Variants in RNF150 observed in about 807,000 individuals in gnomAD.
RNF150 encodes the protein ring finger protein 150.
Under a neutral mutation model 39.3 loss-of-function variants are expected in RNF150, and 24 were observed. The ratio of observed to expected loss-of-function variants is 0.61; its 90% CI spans 0.44 to 0.86. The LOEUF (loss-of-function observed/expected upper bound fraction) is 0.86. RNF150 is among the 40% of genes least tolerant of loss of function. RNF150 has a pLI of 0.00. For synonymous variants in RNF150, 255 were observed against 227.3 expected (o/e 1.12, Z -1.10); for missense variants, 502 against 587.8 (o/e 0.85, Z 1.51).
intron 1 of RNF150, among the ~76,000 whole-genome samples, chr4:141,080,496 G>T (rs1453192237): frequency 6.6e-6 from 1 of 152,104 alleles, no homozygotes; most frequent in Non-Finnish European, 1.5e-5. Context: ...CTTAAAACAT[G>T]TCTTCTAATT....
chr4:140,870,466 G>A (rs1046074716), intron 6 of RNF150, among the ~76,000 whole-genome samples: 2 of 82,670 alleles, frequency 2.4e-5, no homozygotes, highest in Admixed American at 1.0e-4. Context: ...ATGTGTGTGT[G>A]TGTGTGTGTG....
intron 1 of RNF150, among the ~76,000 whole-genome samples, chr4:140,972,436 A>C (rs1249467415): frequency 6.6e-6 from 1 of 152,212 alleles, no homozygotes; most frequent in Non-Finnish European, 1.5e-5. Flanking sequence ...TTAATATTAG[A>C]AAATATATTA....
chr4:141,005,558 T>A (rs1734832648), intron 1 of RNF150, among the ~76,000 whole-genome samples: 1 of 152,184 alleles, frequency 6.6e-6, no homozygotes, highest in Admixed American at 6.5e-5. Flanking sequence ...GTAGGATAAG[T>A]AAGCTTCCTT....
At chr4:141,021,534 C>T (rs1735492317) in intron 1 of RNF150, among the ~76,000 whole-genome samples, 1 of 152,148 alleles carries the variant, frequency 6.6e-6, no homozygotes, top group Non-Finnish European at 1.5e-5. Context: ...TGCCCCTCCA[C>T]TTAGCTGTTT....
rs199842758 is a variant in RNF150, at chr4:141,121,763, T to TA, written c.484+10561dup. ...CGATCCTTATAGTTCTCGGGAAATT[T>TA]AAAAAAAATTAAAATTTTATTCACG... is the stretch of plus-strand genomic sequence containing the variant. On this transcript the variant is annotated intron_variant, in intron 1 of 6. Coordinates refer to ENST00000515673, the MANE Select transcript of RNF150 (RefSeq NM_020724.2). 4.9e-3 allele frequency among the ~76,000 whole-genome samples: 742 copies of TA among 152,152 alleles called. 9 individuals carry two copies. The highest frequency in any genetic ancestry group is 0.017 in the African/African-American group (701 of 41,496).
intron 1 of RNF150, among the ~76,000 whole-genome samples, chr4:141,090,775 G>A (rs1427669667): frequency 6.6e-6 from 1 of 152,120 alleles, no homozygotes; most frequent in Non-Finnish European, 1.5e-5. Context: ...GGTGATTGTT[G>A]CTTTTCAGGA....
intron 1 of RNF150, among the ~76,000 whole-genome samples, chr4:141,117,952 T>A (rs867740268): frequency 1.4e-4 from 22 of 152,160 alleles, no homozygotes; most frequent in African/African-American, 4.8e-4. Context: ...ATGAAAAACT[T>A]TTTCCTCATA....
intron 1 of RNF150, among the ~76,000 whole-genome samples, chr4:141,081,780 A>G (rs1738158333): frequency 6.6e-6 from 1 of 152,206 alleles, no homozygotes; most frequent in Non-Finnish European, 1.5e-5. Flanking sequence ...GACACTTTTC[A>G]TGTATGTTTA....
intron 1 of RNF150, among the ~76,000 whole-genome samples, chr4:141,188,921 C>T (rs565537425): frequency 4.4e-4 from 67 of 152,320 alleles, no homozygotes; most frequent in African/African-American, 1.5e-3. Context: ...TTTGCCCTTG[C>T]TGGCGAGGAG....
intron 1 of RNF150, among the ~76,000 whole-genome samples, chr4:141,112,343 T>C (rs1435576215): frequency 6.6e-6 from 1 of 152,168 alleles, no homozygotes. Context: ...CAATTTGGTA[T>C]GTTTTTGCAG....
At chr4:141,079,072 A>C (rs1007677441) in intron 1 of RNF150, among the ~76,000 whole-genome samples, 1 of 152,064 alleles carries the variant, frequency 6.6e-6, no homozygotes. Flanking sequence ...TTGTTTCATC[A>C]TCATAATCAG....
Position 141,132,401 on chromosome 4 carries a change from G to A in RNF150, c.408C>T (p.Phe136=), listed in dbSNP as rs752552145. ...CTYRDKIRNA[F]LQNASAVVIF... ...TGACCACGGCTGAGGCGTTCTGCAGGAACGCGTTCCGGATCTTATCCCTGT... is the reference window on the plus strand; with the variant it reads ...TGACCACGGCTGAGGCGTTCTGCAGAAACGCGTTCCGGATCTTATCCCTGT... The change falls in exon 1 of 7, where the codon TTC becomes TTT. Residue 136 remains phenylalanine (F), a synonymous_variant. Transcript: ENST00000515673. This position sits in a 1 kb window ranked among gnomAD's most constrained non-coding sequence, Gnocchi z 4.9. The A allele has an allele frequency of 6.2e-7, 1 of 1,606,886 alleles. No homozygotes were observed. The highest frequency in any genetic ancestry group is 8.5e-7 in the Non-Finnish European group (1 of 1,177,224).
chr4:140,873,048 C>A (rs1040236749), intron 6 of RNF150, among the ~76,000 whole-genome samples: 19 of 152,202 alleles, frequency 1.2e-4, no homozygotes, highest in African/African-American at 4.3e-4. Flanking sequence ...ACACCTAGAG[C>A]AAAAGACCCA....
At chr4:141,194,292 A>G (rs1299546551) in intron 1 of RNF150, among the ~76,000 whole-genome samples, 3 of 152,230 alleles carry the variant, frequency 2.0e-5, no homozygotes, top group African/African-American at 4.8e-5. Flanking sequence ...TTCTGGGGAA[A>G]ATTAATTTTT....
intron 1 of RNF150, among the ~76,000 whole-genome samples, chr4:140,978,511 G>C (rs1733746706): frequency 6.6e-6 from 1 of 152,090 alleles, no homozygotes; most frequent in Admixed American, 6.6e-5. Flanking sequence ...CAAGTGTATA[G>C]AATTATTTAT....
At chr4:140,950,686 G>A (rs1732508199) in intron 2 of RNF150, among the ~76,000 whole-genome samples, 1 of 152,164 alleles carries the variant, frequency 6.6e-6, no homozygotes, top group South Asian at 2.1e-4. Context: ...CAGCTAACCA[G>A]TCAACCAACC....
chr4:140,916,184 A>G (rs1193943833), intron 5 of RNF150, among the ~76,000 whole-genome samples: 2 of 152,380 alleles, frequency 1.3e-5, no homozygotes, highest in African/African-American at 4.8e-5. Context: ...AATGGAACAA[A>G]GCTGGACGGA....
chr4:140,992,493 A>G (rs1324654282), intron 1 of RNF150, among the ~76,000 whole-genome samples: 5 of 152,220 alleles, frequency 3.3e-5, no homozygotes, highest in Non-Finnish European at 5.9e-5. Flanking sequence ...CTTGGGAGAC[A>G]TAAAGGAGGT....
At chr4:141,192,182 T>G (rs890612787) in intron 1 of RNF150, among the ~76,000 whole-genome samples, 1 of 152,202 alleles carries the variant, frequency 6.6e-6, no homozygotes, top group Non-Finnish European at 1.5e-5. Context: ...AAAAGCCCTC[T>G]TTTGAACATG....
Sources: gnomAD v4.1 joint callset for allele counts (sites outside exome capture counted in the v4.1 genomes callset) on GRCh38, gnomAD v4.1.1 for gene constraint, Gnocchi (gnomAD v3.1) non-coding constraint, MANE v1.5 for transcripts, NCBI Gene and HGNC (gene_info 2026-07-23, HGNC 2026-07-21) for gene names.